DENND4C: variants seen among roughly 807,000 people sequenced by gnomAD.
The protein encoded by DENND4C is DENN domain-containing protein 4C.
A neutral mutation model predicts 203.0 loss-of-function variants in DENND4C; 108 were observed. The observed-to-expected ratio is 0.53, with a 90% CI of 0.46 to 0.62. DENND4C has a LOEUF of 0.62. Ranked by LOEUF, DENND4C falls within the 20% of genes least tolerant of loss-of-function variation. The pLI is 0.00. For missense variants in DENND4C, 2,481 were observed against 2,301.2 expected (o/e 1.08, Z -1.60); for synonymous variants, 871 against 792.4 (o/e 1.10, Z -1.67).
chr9:19,258,661 G>GC (rs1554712095), intron 1 of DENND4C, among the ~76,000 whole-genome samples: 1 of 133,678 alleles, frequency 7.5e-6, no homozygotes, highest in Admixed American at 7.2e-5. Context: ...TAAATTTTAA[G>GC]TTTTTTTTTT....
chr9:19,283,787 G>A (rs1834638125), intron 2 of DENND4C, among the ~76,000 whole-genome samples: 1 of 151,570 alleles, frequency 6.6e-6, no homozygotes, highest in African/African-American at 2.4e-5. Flanking sequence ...TAGAGACGGT[G>A]TTTTTCCATG....
chr9:19,256,648 T>G (rs1347784415), intron 1 of DENND4C, among the ~76,000 whole-genome samples: 1 of 152,148 alleles, frequency 6.6e-6, no homozygotes, highest in Non-Finnish European at 1.5e-5. Context: ...TTTTTACTCT[T>G]TAAAATTAAA....
chr9:19,245,899 C>T (rs1463720529), intron 1 of DENND4C, among the ~76,000 whole-genome samples: 2 of 151,620 alleles, frequency 1.3e-5, no homozygotes, highest in African/African-American at 2.4e-5. Flanking sequence ...CTGACCTCCA[C>T]TTCCTTTTCT....
chr9:19,236,406 GAA>G (rs1352374200), intron 1 of DENND4C, among the ~76,000 whole-genome samples: 2 of 152,190 alleles, frequency 1.3e-5, no homozygotes, highest in East Asian at 3.8e-4. Flanking sequence ...GTGAAGTAAT[GAA>G]AAAATGTGAT....
chr9:19,272,509 G>A (rs1359524082), intron 1 of DENND4C, among the ~76,000 whole-genome samples: 2 of 151,948 alleles, frequency 1.3e-5, no homozygotes, highest in Middle Eastern at 3.4e-3. Context: ...CTCCCACCTC[G>A]GCCTCCCAAA....
intron 1 of DENND4C, among the ~76,000 whole-genome samples, chr9:19,263,487 G>A (rs1488449553): frequency 6.6e-6 from 1 of 151,894 alleles, no homozygotes; most frequent in Non-Finnish European, 1.5e-5. Context: ...CTCCCAAGGA[G>A]CTGGGATTAC....
chr9:19,329,229 T>C (rs2131741668), intron 16 of DENND4C, among the ~76,000 whole-genome samples: 1 of 152,014 alleles, frequency 6.6e-6, no homozygotes, highest in Middle Eastern at 3.4e-3. Context: ...CAATTCTCAA[T>C]CCCCAGCAGC....
chr9:19,349,543 T>G (rs1253606211), intron 23 of DENND4C, among the ~76,000 whole-genome samples: 1 of 152,190 alleles, frequency 6.6e-6, no homozygotes, highest in Non-Finnish European at 1.5e-5. Context: ...CTGGCACCAG[T>G]AAGCAGTACC....
At chr9:19,321,951 A>G (rs1467899073) in intron 12 of DENND4C, among the ~76,000 whole-genome samples, 7 of 152,178 alleles carry the variant, frequency 4.6e-5, no homozygotes, top group African/African-American at 1.7e-4. Flanking sequence ...GAGGAGGGAC[A>G]TATCCACTGT....
intron 30 of DENND4C, among the ~76,000 whole-genome samples, chr9:19,364,850 G>A (rs555872830): frequency 3.9e-5 from 6 of 152,012 alleles, no homozygotes; most frequent in East Asian, 3.9e-4. Flanking sequence ...AGCCGAGATC[G>A]TGCCACTGCA....
intron 1 of DENND4C, among the ~76,000 whole-genome samples, chr9:19,241,549 A>G (rs1823727711): frequency 6.6e-6 from 1 of 150,942 alleles, no homozygotes; most frequent in Non-Finnish European, 1.5e-5. Flanking sequence ...TTTTGTCGGA[A>G]ATGAAAACAT....
chr9:19,306,867 G>A (rs1028146868), intron 10 of DENND4C, among the ~76,000 whole-genome samples: 3 of 151,758 alleles, frequency 2.0e-5, no homozygotes, highest in Non-Finnish European at 2.9e-5. Flanking sequence ...TGCAGTCTCC[G>A]CCTCCTGGGA....
chr9:19,313,774 C>T (rs1380977183), intron 10 of DENND4C, among the ~76,000 whole-genome samples: 1 of 152,202 alleles, frequency 6.6e-6, no homozygotes, highest in Non-Finnish European at 1.5e-5. Context: ...TTTTGACTTA[C>T]AGTTTCTTGT....
At chr9:19,248,223 A>T (rs1045774394) in intron 1 of DENND4C, among the ~76,000 whole-genome samples, 1 of 151,762 alleles carries the variant, frequency 6.6e-6, no homozygotes, top group Admixed American at 6.6e-5. Flanking sequence ...ATCTCCTACT[A>T]CTCTAAGCTC....
At chr9:19,337,746 G>A (rs373487929) in intron 20 of DENND4C, 17 of 947,960 alleles carry the variant, frequency 1.8e-5, no homozygotes, top group African/African-American at 1.0e-4. Context: ...TGTATTTTAA[G>A]TTTGTTTTGA....
Position 19,299,288 on chromosome 9 carries a change from G to T in DENND4C, c.1166+1G>T. ...CAGTTTCTACACCTTTACCACTAAG[G>T]TAATTACTGGTATTTAAAATGATAT... On this transcript the variant is annotated splice_donor_variant, in intron 8 of 32. Coordinates refer to ENST00000434457, the MANE Select transcript of DENND4C (RefSeq NM_001330640.2). LOFTEE classifies it high-confidence loss of function. 1 of 1,552,852 alleles carries T rather than the reference G, an allele frequency of 6.4e-7. No homozygotes were observed. The highest frequency in any genetic ancestry group is 8.7e-7 in the Non-Finnish European group (1 of 1,145,032).
At position 19,305,406 on chromosome 9, in the gene DENND4C, C is replaced by T. The variant is rs1261412254; in HGVS notation, c.1366C>T (p.Leu456=). 6.2e-7 allele frequency: 1 copy of T among 1,613,850 alleles called. No homozygotes were observed. Among genetic ancestry groups the T allele is most frequent in the Non-Finnish European group, 8.5e-7 (1 of 1,179,858 alleles). ...CPYIPLCPLS[L]AAVLSAPLPF... ...ATATATTCCCCTTTGTCCTCTTTCA[C>T]TGGCTGCAGTGCTTAGTGCACCTTT... is the stretch of plus-strand genomic sequence containing the variant. Residue 456 remains leucine (L), a synonymous_variant, in exon 10 of 33, where the codon CTG becomes TTG. Transcript: ENST00000434457.
rs1588973198 is a variant in DENND4C, at chr9:19,352,438, T to C, written c.4606-52T>C. ...CCCATTATCTCAAGAGAATTCCTGT[T>C]AAGATTAATTTTTATTAAACGTTCT... On this transcript the variant is annotated intron_variant, in intron 25 of 32. Coordinates refer to ENST00000434457, the MANE Select transcript of DENND4C (RefSeq NM_001330640.2). 4.8e-6 allele frequency: 7 copies of C among 1,473,076 alleles called. No homozygotes were observed. The East Asian group carries it at 1.6e-4, about 34-fold the overall frequency. The allele number at this position is 1,473,076 out of a possible 1,614,324, so 91.3% of individuals were successfully genotyped here.
intron 9 of DENND4C, among the ~76,000 whole-genome samples, chr9:19,304,303 G>T (rs1295325064): frequency 1.3e-5 from 2 of 150,914 alleles, no homozygotes; most frequent in African/African-American, 2.4e-5. Flanking sequence ...TCCTGCCCCA[G>T]CCTCCCGAGT....
Sources: gnomAD v4.1 joint callset for allele counts (sites outside exome capture counted in the v4.1 genomes callset) on GRCh38, gnomAD v4.1.1 for gene constraint, MANE v1.5 for transcripts, NCBI Gene and HGNC (gene_info 2026-07-23, HGNC 2026-07-21) for gene names.